The following AFF3 variants were observed in gnomAD, a reference collection of about 807,000 sequenced individuals.
The protein encoded by AFF3 is ALF transcription elongation factor 3.
A neutral mutation model predicts 129.7 loss-of-function variants in AFF3; 32 were observed. The observed-to-expected ratio is 0.25, with a 90% confidence interval of 0.19 to 0.33. The LOEUF is 0.33. AFF3 is among the 10% of genes least tolerant of loss of function. The pLI, the probability that AFF3 is intolerant of heterozygous loss-of-function variation, is 1.00. For missense variants in AFF3, 1,373 were observed against 1,592.0 expected, an observed-to-expected ratio of 0.86 and a Z score of 2.34; for synonymous variants, 644 against 635.4, an observed-to-expected ratio of 1.01 and a Z score of -0.20.
intron 1 of AFF3, among the ~76,000 whole-genome samples, chr2:100,130,838 G>T (rs1692400766): frequency 6.6e-6 from 1 of 152,060 alleles, no homozygotes; most frequent in South Asian, 2.1e-4. Flanking sequence ...CTTCTCAGCT[G>T]AGATGACAGA....
At chr2:99,713,546 C>T (rs920505626) in intron 11 of AFF3, among the ~76,000 whole-genome samples, 1 of 149,274 alleles carries the variant, frequency 6.7e-6, no homozygotes, top group African/African-American at 2.5e-5. Flanking sequence ...GGATTACAGA[C>T]AATTAAAATT....
intron 13 of AFF3, among the ~76,000 whole-genome samples, chr2:99,627,098 TAATGGAATTGCTGGGTTG>T (rs1187970366): frequency 6.6e-6 from 1 of 152,252 alleles, no homozygotes; most frequent in African/African-American, 2.4e-5. Flanking sequence ...ATATATCCAG[TAATGGAATTGCTGGGTTG>T]AACAGTTCTG....
intron 7 of AFF3, among the ~76,000 whole-genome samples, chr2:100,004,746 T>G (rs1396119899): frequency 2.0e-5 from 3 of 152,192 alleles, no homozygotes; most frequent in Non-Finnish European, 4.4e-5. Flanking sequence ...TTAGTCATGT[T>G]TTTATTGTGG....
intron 11 of AFF3, among the ~76,000 whole-genome samples, chr2:99,680,131 G>A (rs1241718900): frequency 1.3e-5 from 2 of 152,228 alleles, no homozygotes; most frequent in African/African-American, 4.8e-5. Context: ...CTAGGCCACA[G>A]TTATGAAGTA....
intron 2 of AFF3, among the ~76,000 whole-genome samples, chr2:100,118,582 C>T: frequency 6.6e-6 from 1 of 151,904 alleles, no homozygotes; most frequent in African/African-American, 2.4e-5. Flanking sequence ...TAACATTTAC[C>T]AAGGATAAGT....
intron 8 of AFF3, among the ~76,000 whole-genome samples, chr2:99,780,459 C>T (rs1381270912): frequency 1.3e-5 from 2 of 152,188 alleles, no homozygotes; most frequent in African/African-American, 4.8e-5. Flanking sequence ...TCTACAATCA[C>T]TTCCCTTTTC....
At chr2:99,661,631 G>C (rs576436018) in intron 12 of AFF3, among the ~76,000 whole-genome samples, 132 of 152,246 alleles carry the variant, frequency 8.7e-4, no homozygotes, top group African/African-American at 3.0e-3. Context: ...AATATTTTAG[G>C]AAACAGCGTT....
intron 7 of AFF3, among the ~76,000 whole-genome samples, chr2:99,877,715 A>G (rs1692406579): frequency 6.6e-6 from 1 of 152,260 alleles, no homozygotes; most frequent in African/African-American, 2.4e-5. Context: ...TTAGAAAAAT[A>G]TATACTGCTT....
At chr2:99,894,463 G>A (rs1488988961) in intron 7 of AFF3, among the ~76,000 whole-genome samples, 3 of 151,728 alleles carry the variant, frequency 2.0e-5, no homozygotes, top group Non-Finnish European at 4.4e-5. Flanking sequence ...TCTGATCAGC[G>A]TCAGGAATTT....
intron 7 of AFF3, among the ~76,000 whole-genome samples, chr2:99,917,990 A>G (rs1695590179): frequency 6.6e-6 from 1 of 152,214 alleles, no homozygotes. Context: ...CCTGAATGGT[A>G]ATATGCTAGT....
intron 11 of AFF3, among the ~76,000 whole-genome samples, chr2:99,677,128 G>C (rs558038214): frequency 1.4e-3 from 211 of 152,052 alleles, no homozygotes; most frequent in African/African-American, 4.8e-3. Context: ...AAATTAGACA[G>C]ACATGGTGGT....
At chr2:100,007,618 G>C in intron 5 of AFF3, 158 bp from the exon 6 acceptor site, 1 of 692,066 alleles carries the variant, frequency 1.4e-6, no homozygotes, top group Non-Finnish European at 2.4e-6. Context: ...GAAGATGTCT[G>C]TCAGCACTTG....
chr2:99,997,982 C>A (rs1378304455), intron 7 of AFF3, among the ~76,000 whole-genome samples: 1 of 152,056 alleles, frequency 6.6e-6, no homozygotes, highest in African/African-American at 2.4e-5. Flanking sequence ...CTTTCCCCTG[C>A]TCTGCTTTTT....
At chr2:99,917,390 C>T (rs1434326221) in intron 7 of AFF3, among the ~76,000 whole-genome samples, 1 of 152,054 alleles carries the variant, frequency 6.6e-6, no homozygotes, top group Non-Finnish European at 1.5e-5. Context: ...TAAGGGAGAT[C>T]GGGGAGTGGA....
At chr2:99,968,077 C>T (rs1677966434) in intron 7 of AFF3, among the ~76,000 whole-genome samples, 1 of 152,212 alleles carries the variant, frequency 6.6e-6, no homozygotes. Context: ...CACCTATACA[C>T]ATCCATCTTT....
chr2:99,614,895 C>A (rs1575511419), intron 13 of AFF3, among the ~76,000 whole-genome samples: 4 of 152,062 alleles, frequency 2.6e-5, no homozygotes, highest in Admixed American at 2.6e-4. Flanking sequence ...GAATAAAGAC[C>A]CACGTGTGGC....
chr2:100,011,278 G>GA (rs932622172), intron 4 of AFF3, among the ~76,000 whole-genome samples: 3 of 151,574 alleles, frequency 2.0e-5, no homozygotes, highest in Non-Finnish European at 2.9e-5. Flanking sequence ...CCTCTCAAAA[G>GA]AAAAAAAAGC....
rs115984031 is a variant in AFF3, at chr2:100,130,195, A to G, written c.-227-889T>C. On this transcript the variant is annotated intron_variant, in intron 1 of 24. Coordinates refer to ENST00000672756, the MANE Select transcript of AFF3 (RefSeq NM_001386135.1). ...CTCAGGTAGGATGCGTGAAGTTTCCAGAAGTTCATGAATACATTCAGTGTT... is the reference window on the plus strand; with the variant it reads ...CTCAGGTAGGATGCGTGAAGTTTCCGGAAGTTCATGAATACATTCAGTGTT... Among the ~76,000 whole-genome samples the G allele has an allele frequency of 5.3e-3, 800 of 152,344 alleles. 2 individuals carry two copies. The highest frequency in any genetic ancestry group is 0.01 in the Middle Eastern group (3 of 294).
chr2:99,581,144 G>A (rs985662448), intron 17 of AFF3, among the ~76,000 whole-genome samples: 4 of 152,210 alleles, frequency 2.6e-5, no homozygotes, highest in East Asian at 1.9e-4. Flanking sequence ...ACAGTGCCCA[G>A]CACGTAATAA....
Sources: allele counts gnomAD v4.1 joint callset (sites outside exome capture counted in the v4.1 genomes callset), GRCh38; gene constraint gnomAD v4.1.1; transcripts MANE v1.5; gene names NCBI Gene and HGNC (gene_info 2026-07-23, HGNC 2026-07-21).